The following RPRD1B variants were observed in gnomAD, a reference collection of about 807,000 sequenced individuals.
RPRD1B encodes regulation of nuclear pre-mRNA domain-containing protein 1B.
In RPRD1B, 11 loss-of-function variants were observed where a neutral mutation model predicts 41.5. That is an observed-to-expected ratio of 0.27 (90% confidence interval 0.17 to 0.44). The LOEUF (loss-of-function observed/expected upper bound fraction) is 0.44. Among genes scored for constraint, RPRD1B ranks in the 20% least tolerant of loss-of-function variants. The probability of loss-of-function intolerance (pLI) is 1.00; values close to 1 mark genes in which losing one functional copy is unlikely to be tolerated. For missense variants in RPRD1B, 248 were observed against 389.9 expected, an observed-to-expected ratio of 0.64 and a Z score of 3.06; for synonymous variants, 158 against 155.6, an observed-to-expected ratio of 1.02 and a Z score of -0.12.
Position 38,048,472 on chromosome 20 carries a change from C to T in RPRD1B, c.406C>T (p.Pro136Ser), listed in dbSNP as rs2074143260. 6.2e-7 allele frequency: 1 copy of T among 1,604,682 alleles called. No individual in the cohort carries two copies. Among genetic ancestry groups the T allele is most frequent in the South Asian group, 1.1e-5 (1 of 90,200 alleles). Residue 136 changes from proline (P) to serine (S), a missense_variant, in exon 3 of 7, where the codon CCC becomes TCC. This residue lies in a region of RPRD1B where 94 missense variants were observed against 82.3 expected (regional missense o/e 1.14). Coordinates refer to ENST00000373433, the MANE Select transcript of RPRD1B (RefSeq NM_021215.4). ...KLSMEDSKSPPPKATEEKKSL... is the reference protein window; with the variant it reads ...KLSMEDSKSPSPKATEEKKSL... The stretch of plus-strand genomic sequence containing the variant: ...GTCTATGGAGGACTCCAAGAGCCCT[C>T]CCCCCAAAGGTAGAAACATCACCAC...
intron 5 of RPRD1B, among the ~76,000 whole-genome samples, chr20:38,065,341 A>G (rs1034887513): frequency 2.6e-5 from 4 of 152,134 alleles, no homozygotes; most frequent in Non-Finnish European, 5.9e-5. Context: ...AAATAAGTGC[A>G]TGCTATTTTT....
chr20:38,069,350 T>C (rs1204109142), intron 6 of RPRD1B, among the ~76,000 whole-genome samples: 2 of 152,194 alleles, frequency 1.3e-5, no homozygotes, highest in African/African-American at 4.8e-5. Context: ...GTACATAATG[T>C]AGATTAAGGA....
intron 5 of RPRD1B, among the ~76,000 whole-genome samples, chr20:38,063,244 TC>T (rs1271773765): frequency 6.6e-6 from 1 of 152,050 alleles, no homozygotes; most frequent in Non-Finnish European, 1.5e-5. Context: ...AAAATGTTGA[TC>T]CCCCCCACCT....
At chr20:38,073,312 T>G (rs375253649) in intron 6 of RPRD1B, among the ~76,000 whole-genome samples, 1 of 152,204 alleles carries the variant, frequency 6.6e-6, no homozygotes, top group Non-Finnish European at 1.5e-5. Flanking sequence ...ACGCTCTTGC[T>G]CTGATAGGAG....
At position 38,089,061 on chromosome 20, in the gene RPRD1B, T is replaced by TG. The variant is rs569201845; in HGVS notation, c.832-663dup. On this transcript the variant is annotated intron_variant, in intron 6 of 6. Coordinates refer to ENST00000373433, the MANE Select transcript of RPRD1B (RefSeq NM_021215.4). Reference sequence around the variant, plus strand: ...AACTCTGCTCTGAAGGACCAGATCATGGAGCTAGTGGGGTGCCGTGCCTCA... The same window carrying TG: ...AACTCTGCTCTGAAGGACCAGATCATGGGAGCTAGTGGGGTGCCGTGCCTCA... Among the ~76,000 whole-genome samples, 17 of 152,316 alleles carry TG rather than the reference T, an allele frequency of 1.1e-4. No homozygotes were observed. In the East Asian group the frequency reaches 3.3e-3, roughly 29 times the overall value.
At chr20:38,088,393 A>G (rs1486365653) in intron 6 of RPRD1B, among the ~76,000 whole-genome samples, 1 of 152,246 alleles carries the variant, frequency 6.6e-6, no homozygotes, top group Non-Finnish European at 1.5e-5. Flanking sequence ...ATATGGAAGA[A>G]GGGAACACAT....
At chr20:38,045,988 T>TC in intron 2 of RPRD1B, among the ~76,000 whole-genome samples, 1 of 152,382 alleles carries the variant, frequency 6.6e-6, no homozygotes, top group South Asian at 2.1e-4. Context: ...TCCAGATTCT[T>TC]CTGCAGTTTC....
chr20:38,050,915 A>G (rs2074178760), intron 3 of RPRD1B, among the ~76,000 whole-genome samples: 1 of 152,254 alleles, frequency 6.6e-6, no homozygotes, highest in Non-Finnish European at 1.5e-5. Flanking sequence ...GACCTGAGTT[A>G]TCAGAATATT....
chr20:38,040,737 T>A (rs535753919), intron 2 of RPRD1B, among the ~76,000 whole-genome samples, 173 bp downstream of exon 2: 1 of 152,236 alleles, frequency 6.6e-6, no homozygotes, highest in African/African-American at 2.4e-5. Context: ...TATCGAGACA[T>A]GTAAACATTC....
chr20:38,089,854 G>A lies in RPRD1B; in HGVS notation c.960G>A (p.Gly320=), dbSNP rs1246192666. The change falls in exon 7 of 7, where the codon GGG becomes GGA. Residue 320 remains glycine, a synonymous_variant. Coordinates refer to ENST00000373433, the MANE Select transcript of RPRD1B (RefSeq NM_021215.4). ...GCTTAGCCCCCCTGCCCTCTGCTGGGGACCTGTTTTCAACTGACTAGGATG... is the reference window on the plus strand; with the variant it reads ...GCTTAGCCCCCCTGCCCTCTGCTGGAGACCTGTTTTCAACTGACTAGGATG... ...TGGLAPLPSA[G]DLFSTD The A allele has an allele frequency of 6.2e-7, 1 of 1,613,854 alleles. No homozygotes were observed. Among genetic ancestry groups the A allele is most frequent in the Non-Finnish European group, 8.5e-7 (1 of 1,179,910 alleles).
chr20:38,049,371 T>TTTC (rs2074157991), intron 3 of RPRD1B, among the ~76,000 whole-genome samples: 3 of 135,986 alleles, frequency 2.2e-5, no homozygotes, highest in African/African-American at 8.5e-5. Context: ...TTTTTTCTTT[T>TTTC]TTTTTTTTTT....
chr20:38,055,570 C>T (rs2074231851), intron 3 of RPRD1B, among the ~76,000 whole-genome samples: 2 of 152,126 alleles, frequency 1.3e-5, no homozygotes, highest in South Asian at 4.1e-4. Context: ...TAGGCTCCCT[C>T]TGATGCTGGC....
chr20:38,063,997 A>AT (rs1182565398), intron 5 of RPRD1B, among the ~76,000 whole-genome samples: 1 of 152,266 alleles, frequency 6.6e-6, no homozygotes, highest in East Asian at 1.9e-4. Flanking sequence ...AGTATTTGCC[A>AT]TTTTTTGCCA....
chr20:38,055,649 C>T (rs754413817), intron 3 of RPRD1B, among the ~76,000 whole-genome samples: 2 of 152,132 alleles, frequency 1.3e-5, no homozygotes, highest in African/African-American at 2.4e-5. Context: ...ATTTCAGTTC[C>T]GGCATTAGCT....
chr20:38,058,669 AG>A (rs1449362199), intron 4 of RPRD1B, among the ~76,000 whole-genome samples: 1 of 152,210 alleles, frequency 6.6e-6, no homozygotes, highest in African/African-American at 2.4e-5. Flanking sequence ...AGAAAACCCA[AG>A]AAAGAATTGA....
intron 6 of RPRD1B, among the ~76,000 whole-genome samples, chr20:38,076,956 G>T (rs2074468108): frequency 9.4e-6 from 1 of 106,282 alleles, no homozygotes; most frequent in Non-Finnish European, 1.7e-5. Context: ...TCTCGCTGTT[G>T]CCCAGGCTGT....
intron 1 of RPRD1B, among the ~76,000 whole-genome samples, chr20:38,036,718 A>G (rs983266955): frequency 4.6e-5 from 7 of 152,168 alleles, no homozygotes; most frequent in Non-Finnish European, 8.8e-5. Flanking sequence ...ATCTAATACA[A>G]TTTTCTGTGA....
intron 4 of RPRD1B, 73 bp downstream of exon 4, chr20:38,057,717 G>A: frequency 1.9e-6 from 2 of 1,055,652 alleles, no homozygotes; most frequent in Admixed American, 1.9e-5. Context: ...TGGCCACAAG[G>A]TGGCGCCAGT....
intron 3 of RPRD1B, among the ~76,000 whole-genome samples, chr20:38,054,302 G>GTAGCAC (rs1454137722): frequency 6.6e-6 from 1 of 152,182 alleles, no homozygotes; most frequent in Non-Finnish European, 1.5e-5. Flanking sequence ...TCTTATGTTT[G>GTAGCAC]TAGCACCAGT....
Sources: gnomAD v4.1 joint callset for allele counts (sites outside exome capture counted in the v4.1 genomes callset) on GRCh38, gnomAD v4.1.1 for gene constraint, gnomAD v4.1.1 regional missense constraint, MANE v1.5 for transcripts, NCBI Gene and HGNC (gene_info 2026-07-23, HGNC 2026-07-21) for gene names.